ULK4: variants seen among roughly 807,000 people sequenced by gnomAD.
The protein encoded by ULK4 is inactive serine/threonine-protein kinase ULK4.
A neutral mutation model predicts 160.6 loss-of-function variants in ULK4; 133 were observed. That is an observed-to-expected ratio of 0.83 (90% CI 0.72 to 0.96). The LOEUF is 0.96. Ranked by LOEUF, ULK4 falls within the 40% of genes least tolerant of loss-of-function variation. The probability of loss-of-function intolerance (pLI) is 0.00; values close to 1 mark genes in which losing one functional copy is unlikely to be tolerated. For synonymous variants in ULK4, 534 were observed against 539.8 expected (o/e 0.99, Z 0.15); for missense variants, 1,580 against 1,499.5 (o/e 1.05, Z -0.89).
rs556562115 is a variant in ULK4 at position 41,936,455 on chromosome 3, T to C, written c.239-515A>G. On this transcript the variant is annotated intron_variant, in intron 3 of 36. Transcript: ENST00000301831. ...TTGCTATATTCTTCCAAGGTCCCAG[T>C]TACTTCTCTACCATCTAAGTGCCAG... Among the ~76,000 whole-genome samples, 40 of 152,318 alleles carry C rather than the reference T, an allele frequency of 2.6e-4. No individual in the cohort carries two copies. In the East Asian group the frequency reaches 7.3e-3, roughly 28 times the overall value.
intron 32 of ULK4, among the ~76,000 whole-genome samples, chr3:41,522,712 G>A (rs2085974825): frequency 6.6e-6 from 1 of 152,106 alleles, no homozygotes; most frequent in Admixed American, 6.5e-5. Context: ...ACAACTGCTT[G>A]AAAGTTTTTA....
chr3:41,339,180 A>G (rs1268827713), intron 35 of ULK4, among the ~76,000 whole-genome samples: 1 of 151,936 alleles, frequency 6.6e-6, no homozygotes. Context: ...TCTAGTGGAC[A>G]TTGCCAGGGC....
At chr3:41,333,606 A>G (rs1451722416) in intron 35 of ULK4, among the ~76,000 whole-genome samples, 2 of 152,148 alleles carry the variant, frequency 1.3e-5, no homozygotes, top group Non-Finnish European at 2.9e-5. Flanking sequence ...CCACCTTGTG[A>G]CAAGTTTCAT....
intron 13 of ULK4, among the ~76,000 whole-genome samples, chr3:41,899,764 T>C (rs1698286545): frequency 6.6e-6 from 1 of 152,156 alleles, no homozygotes; most frequent in Non-Finnish European, 1.5e-5. Flanking sequence ...ACGTTGAAAA[T>C]GCCCCAATGC....
chr3:41,279,968 C>CAAACA (rs1190542061), intron 35 of ULK4, among the ~76,000 whole-genome samples: 5 of 151,970 alleles, frequency 3.3e-5, no homozygotes, highest in South Asian at 2.1e-4. Context: ...AAATGGAAAG[C>CAAACA]AAACAAAACA....
At chr3:41,710,219 T>A (rs1343012911) in intron 25 of ULK4, among the ~76,000 whole-genome samples, 3 of 152,206 alleles carry the variant, frequency 2.0e-5, no homozygotes, top group Non-Finnish European at 4.4e-5. Flanking sequence ...TTTAATTTTT[T>A]AAAAATTCCC....
intron 32 of ULK4, among the ~76,000 whole-genome samples, chr3:41,514,110 T>C (rs1452781147): frequency 6.6e-6 from 1 of 152,236 alleles, no homozygotes; most frequent in Admixed American, 6.5e-5. Context: ...AAATTATTTT[T>C]AATGGATTGT....
intron 6 of ULK4, among the ~76,000 whole-genome samples, chr3:41,918,836 C>A (rs1699068416): frequency 6.6e-6 from 1 of 151,984 alleles, no homozygotes. Flanking sequence ...CTCCTGACCT[C>A]GTGATCCGCC....
chr3:41,824,158 A>ACC (rs773641157), intron 18 of ULK4, among the ~76,000 whole-genome samples: 10 of 96,184 alleles, frequency 1.0e-4, no homozygotes, highest in South Asian at 3.0e-4. Flanking sequence ...ATGAGACTCT[A>ACC]TCTTTAAAAA....
intron 32 of ULK4, among the ~76,000 whole-genome samples, chr3:41,506,925 G>A (rs1461364474): frequency 6.7e-6 from 1 of 148,516 alleles, no homozygotes; most frequent in African/African-American, 2.5e-5. Context: ...TGGAGAAAGA[G>A]TAGGGGCAGC....
rs776516607 is a variant in ULK4, at chr3:41,954,657, T to C, written c.103A>G (p.Thr35Ala). 5.0e-6 allele frequency: 8 copies of C among 1,613,966 alleles called. No homozygotes were observed. The South Asian group carries it at 7.7e-5, about 16-fold the overall frequency. ...GTINFVAILC[T>A]DKCKRPEITN... ...ATTTCAGGCCTTTTGCACTTATCAG[T>C]ACAAAGAATGGCTACAAAATTGATT... The change falls in exon 2 of 37, where the codon ACT becomes GCT. Residue 35 changes from threonine to alanine, a missense_variant. Coordinates refer to ENST00000301831, the MANE Select transcript of ULK4 (RefSeq NM_017886.4).
At chr3:41,788,518 A>G (rs993735576) in intron 21 of ULK4, among the ~76,000 whole-genome samples, 6 of 152,108 alleles carry the variant, frequency 3.9e-5, no homozygotes, top group African/African-American at 1.4e-4. Flanking sequence ...CCCCGTCTCT[A>G]CTAAAAATAC....
chr3:41,433,168 CATG>C (rs1559597834), intron 34 of ULK4, among the ~76,000 whole-genome samples: 1 of 152,096 alleles, frequency 6.6e-6, no homozygotes, highest in Non-Finnish European at 1.5e-5. Flanking sequence ...AGTAGAAAAA[CATG>C]AGCAAGGGTT....
At chr3:41,319,932 A>C (rs1417110421) in intron 35 of ULK4, among the ~76,000 whole-genome samples, 1 of 152,228 alleles carries the variant, frequency 6.6e-6, no homozygotes, top group Non-Finnish European at 1.5e-5. Context: ...TAGTAAAATC[A>C]ACTGCCATTG....
chr3:41,885,647 A>G (rs1697694035), intron 16 of ULK4, among the ~76,000 whole-genome samples: 1 of 152,176 alleles, frequency 6.6e-6, no homozygotes. Flanking sequence ...AGCACATAAA[A>G]TATGACAGAT....
chr3:41,791,625 A>G (rs1174816483), intron 20 of ULK4, among the ~76,000 whole-genome samples: 1 of 152,204 alleles, frequency 6.6e-6, no homozygotes, highest in Admixed American at 6.5e-5. Flanking sequence ...TTTTCCAGTA[A>G]ATGCATATTA....
rs2032310509 is a variant in ULK4, at chr3:41,605,096, T to C, written c.3120+10573A>G. ...ACTATTACATCAACATAATTACTTA[T>C]ATGACACTAAGTAGACTTGATACAT... On this transcript the variant is annotated intron_variant, in intron 31 of 36. Transcript: ENST00000301831. Among the ~76,000 whole-genome samples the C allele has an allele frequency of 4.6e-5, 7 of 152,092 alleles. 2 individuals are homozygous for C. The South Asian group carries it at 1.5e-3, about 32-fold the overall frequency.
chr3:41,304,217 G>A (rs1367549015), intron 35 of ULK4, among the ~76,000 whole-genome samples: 1 of 140,096 alleles, frequency 7.1e-6, no homozygotes, highest in Non-Finnish European at 1.5e-5. Context: ...AGGTTGCAGT[G>A]AGCCAAGATC....
intron 11 of ULK4, 69 bp downstream of exon 11, chr3:41,911,248 A>T: frequency 6.8e-7 from 1 of 1,470,424 alleles, no homozygotes; most frequent in Non-Finnish European, 9.4e-7. Context: ...GTTTGCACCA[A>T]GATAGCAGAT....
Sources: allele counts gnomAD v4.1 joint callset (sites outside exome capture counted in the v4.1 genomes callset), GRCh38; gene constraint gnomAD v4.1.1; transcripts MANE v1.5; gene names NCBI Gene and HGNC (gene_info 2026-07-23, HGNC 2026-07-21).